Variants in EHBP1 observed in about 807,000 individuals in gnomAD.
EHBP1 encodes EH domain binding protein 1.
In EHBP1, 55 loss-of-function variants were observed where a neutral mutation model predicts 144.0. That is an observed-to-expected ratio of 0.38 (90% CI 0.31 to 0.48). The LOEUF (loss-of-function observed/expected upper bound fraction) is 0.48. Ranked by LOEUF, EHBP1 falls within the 20% of genes least tolerant of loss-of-function variation. The pLI is 0.98. For missense variants in EHBP1, 1,200 were observed against 1,364.2 expected, an observed-to-expected ratio of 0.88 and a Z score of 1.90; for synonymous variants, 469 against 472.7, an observed-to-expected ratio of 0.99 and a Z score of 0.10.
intron 2 of EHBP1, among the ~76,000 whole-genome samples, chr2:62,742,000 A>G (rs947782796): frequency 1.3e-5 from 2 of 152,078 alleles, no homozygotes; most frequent in South Asian, 2.1e-4. Flanking sequence ...CACCTTTTCT[A>G]TGTTTATATA....
chr2:62,916,556 G>C (rs2054631009), intron 10 of EHBP1, among the ~76,000 whole-genome samples: 2 of 150,624 alleles, frequency 1.3e-5, no homozygotes, highest in Non-Finnish European at 2.9e-5. Context: ...TTGCACCACT[G>C]CACACCACCT....
Position 63,045,518 on chromosome 2 carries a change from A to G in EHBP1, c.*18A>G. 1 of 1,589,948 alleles carries G rather than the reference A, an allele frequency of 6.3e-7. No individual in the cohort carries two copies. The highest frequency in any genetic ancestry group is 8.6e-7 in the Non-Finnish European group (1 of 1,160,680). ...TTCAGTAGCCATCAGATCAGAAAGA[A>G]TCTCTCCCAACATTTTAGAGTCTTG... On this transcript the variant is annotated 3_prime_UTR_variant, in exon 23 of 23. Coordinates refer to ENST00000431489, the MANE Select transcript of EHBP1 (RefSeq NM_001142616.3). This position sits in a 1 kb window ranked among gnomAD's most constrained non-coding sequence, Gnocchi z 5.7.
intron 5 of EHBP1, among the ~76,000 whole-genome samples, chr2:62,810,577 A>G (rs1305350328): frequency 6.6e-6 from 1 of 152,216 alleles, no homozygotes; most frequent in African/African-American, 2.4e-5. Context: ...TTGAGTTTGT[A>G]ATGTGGGTAA....
At chr2:62,813,525 A>T (rs1254031249) in intron 5 of EHBP1, among the ~76,000 whole-genome samples, 4 of 152,126 alleles carry the variant, frequency 2.6e-5, no homozygotes, top group Non-Finnish European at 5.9e-5. Context: ...GCCACCTGAG[A>T]TACGCCGAAA....
intron 7 of EHBP1, among the ~76,000 whole-genome samples, chr2:62,852,920 C>G (rs2152764697): frequency 6.6e-6 from 1 of 152,246 alleles, no homozygotes; most frequent in South Asian, 2.1e-4. Flanking sequence ...CTTTGTAAGT[C>G]TGACTATTTA....
chr2:62,820,737 A>ATATAT (rs1236966050), intron 5 of EHBP1, among the ~76,000 whole-genome samples: 3 of 54,644 alleles, frequency 5.5e-5, no homozygotes, highest in African/African-American at 7.5e-5. Context: ...GTGTGTGTAT[A>ATATAT]ATATATATAT....
intron 5 of EHBP1, among the ~76,000 whole-genome samples, chr2:62,782,931 A>G (rs2042543326): frequency 6.6e-6 from 1 of 152,196 alleles, no homozygotes; most frequent in South Asian, 2.1e-4. Flanking sequence ...TTTATCCGAG[A>G]CAAGGCAAGT....
At chr2:62,764,639 T>G (rs2041034628) in intron 4 of EHBP1, among the ~76,000 whole-genome samples, 2 of 152,144 alleles carry the variant, frequency 1.3e-5, no homozygotes, top group African/African-American at 2.4e-5. Context: ...TAAAATGCCT[T>G]CCCTGTGGAA....
chr2:62,888,472 A>T (rs746586930), intron 10 of EHBP1, among the ~76,000 whole-genome samples: 1 of 152,254 alleles, frequency 6.6e-6, no homozygotes, highest in Non-Finnish European at 1.5e-5. Context: ...TTATATCAGT[A>T]TATCGTGAAG....
chr2:62,798,694 T>C (rs1232326040), intron 5 of EHBP1, among the ~76,000 whole-genome samples: 1 of 151,986 alleles, frequency 6.6e-6, no homozygotes, highest in Admixed American at 6.6e-5. Context: ...AAGCAGTAGC[T>C]AGAGTTATAG....
At chr2:62,734,417 A>G (rs1400590490) in intron 2 of EHBP1, among the ~76,000 whole-genome samples, 3 of 138,120 alleles carry the variant, frequency 2.2e-5, no homozygotes, top group Non-Finnish European at 3.1e-5. Context: ...TTTTTTTGAG[A>G]TGTTTCAAAT....
rs761869271 is a variant in EHBP1, at chr2:62,942,744, G to A, written c.1212G>A (p.Leu404=). ...PKPSPIPSPV[L]GRKPNASQSL... is the part of the protein sequence containing the mutation. ...CAAGCCCTATACCAAGTCCTGTTTT[G>A]GGGCGAAAGCCAAATGCTAGTCAGT... The change falls in exon 11 of 23, where the codon TTG becomes TTA. Residue 404 remains leucine (L), a synonymous_variant. Transcript: ENST00000431489. 1.2e-6 allele frequency: 2 copies of A among 1,605,362 alleles called. No individual in the cohort carries two copies. Among genetic ancestry groups the A allele is most frequent in the South Asian group, 2.2e-5 (2 of 89,634 alleles).
At chr2:62,825,611 G>GA (rs1330960344) in intron 5 of EHBP1, among the ~76,000 whole-genome samples, 159 of 133,586 alleles carry the variant, frequency 1.2e-3, no homozygotes, top group Middle Eastern at 3.6e-3. Context: ...GTTGTAGACA[G>GA]AAAAAAAAAA....
In EHBP1 at chr2:62,850,635, C is replaced by T. The variant is rs936549650; in HGVS notation, c.635-8534C>T. 5.2e-4 allele frequency among the ~76,000 whole-genome samples: 79 copies of T among 151,870 alleles called. 1 individual carries two copies. The highest frequency in any genetic ancestry group is 1.9e-4 in the East Asian group (1 of 5,186). On this transcript the variant is annotated intron_variant, in intron 7 of 22. Transcript: ENST00000431489. Reference sequence around the variant, plus strand: ...TATAACATTATTAGCATTTTCCAAACGTTTTCAATTTTCTGTGAAACAAGA... The same window carrying T: ...TATAACATTATTAGCATTTTCCAAATGTTTTCAATTTTCTGTGAAACAAGA...
chr2:63,043,667 T>C (rs768797690), intron 21 of EHBP1, among the ~76,000 whole-genome samples: 7 of 152,132 alleles, frequency 4.6e-5, no homozygotes, highest in African/African-American at 9.7e-5. Context: ...CTGTCTTGAA[T>C]AAATTTTGCT....
intron 10 of EHBP1, among the ~76,000 whole-genome samples, chr2:62,875,597 A>C (rs1201560626): frequency 2.6e-5 from 4 of 152,208 alleles, no homozygotes; most frequent in African/African-American, 4.8e-5. Flanking sequence ...TTCTTACCTC[A>C]AAACAATCAC....
chr2:63,031,620 G>A (rs1267343438), intron 19 of EHBP1, among the ~76,000 whole-genome samples: 1 of 151,984 alleles, frequency 6.6e-6, no homozygotes, highest in African/African-American at 2.4e-5. Flanking sequence ...TCATCCATAT[G>A]TAATTTAAAA....
At chr2:62,716,192 G>A (rs1325881571) in intron 2 of EHBP1, among the ~76,000 whole-genome samples, 1 of 141,736 alleles carries the variant, frequency 7.1e-6, no homozygotes, top group East Asian at 2.4e-4. Flanking sequence ...CCCCCACCAC[G>A]CCCCAACCCG....
intron 5 of EHBP1, among the ~76,000 whole-genome samples, chr2:62,801,415 A>C (rs566754318): frequency 6.6e-6 from 1 of 152,376 alleles, no homozygotes; most frequent in East Asian, 1.9e-4. Context: ...TTGTGAGTAT[A>C]TTACAGACAT....
Sources: gnomAD v4.1 joint callset for allele counts (sites outside exome capture counted in the v4.1 genomes callset) on GRCh38, gnomAD v4.1.1 for gene constraint, Gnocchi (gnomAD v3.1) non-coding constraint, MANE v1.5 for transcripts, NCBI Gene and HGNC (gene_info 2026-07-23, HGNC 2026-07-21) for gene names.